Variants in ADAM32 observed in about 807,000 individuals in gnomAD.
The protein encoded by ADAM32 is disintegrin and metalloproteinase domain-containing protein 32.
A neutral mutation model predicts 114.9 loss-of-function variants in ADAM32; 89 were observed. That is an observed-to-expected ratio of 0.77 (90% confidence interval 0.65 to 0.92). The LOEUF (loss-of-function observed/expected upper bound fraction) is 0.92. ADAM32 is among the 40% of genes least tolerant of loss of function. The pLI is 0.00. For missense variants in ADAM32, 870 were observed against 932.8 expected, an observed-to-expected ratio of 0.93 and a Z score of 0.88; for synonymous variants, 285 against 307.5, an observed-to-expected ratio of 0.93 and a Z score of 0.77.
intron 16 of ADAM32, among the ~76,000 whole-genome samples, chr8:39,239,780 T>G (rs1489398224): frequency 6.6e-6 from 1 of 152,174 alleles, no homozygotes; most frequent in Admixed American, 6.5e-5. Flanking sequence ...GTAGCTATTC[T>G]TATATTAGAC....
At position 39,219,566 on chromosome 8, in the gene ADAM32, T is replaced by C. The variant is rs1237792800; in HGVS notation, c.1234-2044T>C. ...ACATTGAATTCAATGCAAAGCCTCA[T>C]AGACACTGTGCTCTCCTCCCTGAGT... On this transcript the variant is annotated intron_variant, in intron 12 of 24. Coordinates refer to ENST00000379907, the MANE Select transcript of ADAM32 (RefSeq NM_145004.7). 2.6e-5 allele frequency among the ~76,000 whole-genome samples: 4 copies of C among 152,214 alleles called. No individual in the cohort carries two copies. In the East Asian group the frequency reaches 7.7e-4, roughly 29 times the overall value.
intron 1 of ADAM32, among the ~76,000 whole-genome samples, chr8:39,114,625 A>C (rs917028275): frequency 1.3e-5 from 2 of 152,192 alleles, no homozygotes; most frequent in Non-Finnish European, 2.9e-5. Context: ...TGTCTCTGAG[A>C]GTCAATTGTC....
chr8:39,214,783 T>G (rs572382911), intron 12 of ADAM32, among the ~76,000 whole-genome samples: 10 of 152,290 alleles, frequency 6.6e-5, no homozygotes, highest in African/African-American at 2.4e-4. Context: ...TCCTGGAGAC[T>G]TTCTCTAATG....
chr8:39,178,077 A>G (rs957901834), intron 10 of ADAM32, among the ~76,000 whole-genome samples: 3 of 152,110 alleles, frequency 2.0e-5, no homozygotes, highest in Admixed American at 2.0e-4. Flanking sequence ...TGCTAGGTTG[A>G]GGAAGTTCTG....
At chr8:39,245,356 C>T (rs1207966991) in intron 16 of ADAM32, among the ~76,000 whole-genome samples, 1 of 152,120 alleles carries the variant, frequency 6.6e-6, no homozygotes, top group East Asian at 1.9e-4. Context: ...GTACAGTGTG[C>T]ACTGCTAGGA....
At chr8:39,214,150 G>A (rs1309377811) in intron 12 of ADAM32, among the ~76,000 whole-genome samples, 1 of 152,124 alleles carries the variant, frequency 6.6e-6, no homozygotes, top group African/African-American at 2.4e-5. Context: ...GTAAACATGG[G>A]CATGCAGATA....
chr8:39,165,591 T>C (rs1195559521), intron 9 of ADAM32: 1 of 153,868 alleles, frequency 6.5e-6, no homozygotes, highest in Non-Finnish European at 1.4e-5. Context: ...TTGGTAAATG[T>C]GGCTACAAAG....
At chr8:39,180,341 CT>C (rs1333813331) in intron 10 of ADAM32, among the ~76,000 whole-genome samples, 2 of 152,232 alleles carry the variant, frequency 1.3e-5, no homozygotes, top group Non-Finnish European at 2.9e-5. Context: ...CGGGCCTTAG[CT>C]GCCTTCCCAT....
chr8:39,223,055 G>T lies in ADAM32; in HGVS notation c.1342G>T (p.Val448Phe), dbSNP rs143711220. 3.2e-6 allele frequency: 5 copies of T among 1,582,044 alleles called. No individual in the cohort carries two copies. Among genetic ancestry groups the T allele is most frequent in the Admixed American group, 1.8e-5 (1 of 54,746 alleles). Residue 448 changes from valine to phenylalanine, a missense_variant, in exon 14 of 25, where the codon GTT becomes TTT. Val to Phe is a conservative substitution (Grantham distance 50). Transcript: ENST00000379907. ...CTTCTCTTAGATTTTACAATCAGGC[G>T]TTGAATGTAGGCCGAAAGCACATCC... ...CKDCQILQSG[V>F]ECRPKAHPEC...
Position 39,247,021 on chromosome 8 carries a change from A to G in ADAM32, c.1902+855A>G, listed in dbSNP as rs1338060858. ...ATTTAATGTTTCTCCGTGTTTTTCT[A>G]TGGCTTGATAGCTTATTTCTTTTTA... On this transcript the variant is annotated intron_variant, in intron 17 of 24. Coordinates refer to ENST00000379907, the MANE Select transcript of ADAM32 (RefSeq NM_145004.7). Among the ~76,000 whole-genome samples, 4 of 152,168 alleles carry G rather than the reference A, an allele frequency of 2.6e-5. No individual in the cohort carries two copies. In the East Asian group the frequency reaches 5.8e-4, roughly 22 times the overall value.
At chr8:39,176,098 T>G (rs1205270678) in intron 10 of ADAM32, among the ~76,000 whole-genome samples, 1 of 152,030 alleles carries the variant, frequency 6.6e-6, no homozygotes, top group African/African-American at 2.4e-5. Flanking sequence ...GTCTAGCTAG[T>G]GGTTTATCTA....
At chr8:39,235,577 A>AAT (rs769081547) in intron 16 of ADAM32, among the ~76,000 whole-genome samples, 75 of 152,314 alleles carry the variant, frequency 4.9e-4, no homozygotes, top group Non-Finnish European at 8.1e-4. Context: ...ATTTAATAAG[A>AAT]ATATAATCTT....
intron 10 of ADAM32, among the ~76,000 whole-genome samples, chr8:39,179,675 C>A (rs562488998): frequency 6.6e-6 from 1 of 152,260 alleles, no homozygotes; most frequent in Admixed American, 6.5e-5. Context: ...CATCACTTCC[C>A]TTAGCTGGGG....
At chr8:39,120,769 A>G (rs1322657466) in intron 2 of ADAM32, among the ~76,000 whole-genome samples, 2 of 151,736 alleles carry the variant, frequency 1.3e-5, no homozygotes, top group Non-Finnish European at 2.9e-5. Context: ...CTCAAAAAAA[A>G]AAAAAAAAAA....
intron 19 of ADAM32, among the ~76,000 whole-genome samples, chr8:39,259,185 T>A (rs1042538305): frequency 6.6e-6 from 1 of 151,696 alleles, no homozygotes; most frequent in African/African-American, 2.4e-5. Context: ...TTCTATCATC[T>A]ATTTTCTTGG....
At chr8:39,246,636 T>C (rs1215705789) in intron 17 of ADAM32, among the ~76,000 whole-genome samples, 1 of 152,244 alleles carries the variant, frequency 6.6e-6, no homozygotes, top group East Asian at 1.9e-4. Context: ...AGGCACAATC[T>C]TTCCCAATTT....
intron 14 of ADAM32, among the ~76,000 whole-genome samples, chr8:39,230,276 T>C (rs1809653316): frequency 6.6e-6 from 1 of 152,184 alleles, no homozygotes; most frequent in Non-Finnish European, 1.5e-5. Context: ...CCCTTTTTAT[T>C]AGTATTTTCA....
chr8:39,113,366 TG>T (rs1840245484), intron 1 of ADAM32, among the ~76,000 whole-genome samples: 1 of 138,456 alleles, frequency 7.2e-6, no homozygotes, highest in Non-Finnish European at 1.5e-5. Flanking sequence ...ATCTATATCT[TG>T]AACTTGCTGC....
intron 11 of ADAM32, among the ~76,000 whole-genome samples, chr8:39,199,599 T>C (rs187371947): frequency 6.6e-6 from 1 of 152,278 alleles, no homozygotes; most frequent in East Asian, 1.9e-4. Context: ...AAATTATGAA[T>C]TGTTTTCCTG....
Sources: allele counts gnomAD v4.1 joint callset (sites outside exome capture counted in the v4.1 genomes callset), GRCh38; gene constraint gnomAD v4.1.1; transcripts MANE v1.5; gene names NCBI Gene and HGNC (gene_info 2026-07-23, HGNC 2026-07-21).